IMMP2L: variants seen among roughly 807,000 people sequenced by gnomAD.
The protein encoded by IMMP2L is inner mitochondrial membrane peptidase subunit 2.
Under a neutral mutation model 19.3 loss-of-function variants are expected in IMMP2L, and 18 were observed. The observed-to-expected ratio is 0.93, with a 90% CI of 0.64 to 1.38. The LOEUF (loss-of-function observed/expected upper bound fraction) is 1.38. Ranked by LOEUF, IMMP2L falls within the 40% of genes most tolerant of loss-of-function variation. The pLI, the probability that IMMP2L is intolerant of heterozygous loss-of-function variation, is 0.00. For missense variants in IMMP2L, 233 were observed against 218.2 expected, an observed-to-expected ratio of 1.07 and a Z score of -0.43; for synonymous variants, 76 against 73.0, an observed-to-expected ratio of 1.04 and a Z score of -0.21.
At chr7:111,428,737 T>C (rs979192277) in intron 3 of IMMP2L, among the ~76,000 whole-genome samples, 1 of 151,792 alleles carries the variant, frequency 6.6e-6, no homozygotes, top group African/African-American at 2.4e-5. Flanking sequence ...GAAATGACTA[T>C]CTATACCACC....
chr7:110,978,860 G>A (rs1006084848), intron 3 of IMMP2L, among the ~76,000 whole-genome samples: 2 of 151,876 alleles, frequency 1.3e-5, no homozygotes, highest in African/African-American at 2.4e-5. Context: ...CCAAAAACAC[G>A]AAGCCCTGTT....
chr7:110,952,710 G>T (rs1817956953), intron 4 of IMMP2L, among the ~76,000 whole-genome samples: 1 of 152,148 alleles, frequency 6.6e-6, no homozygotes, highest in African/African-American at 2.4e-5. Context: ...GTGTTGAAGA[G>T]ATTCTTCCTA....
intron 5 of IMMP2L, among the ~76,000 whole-genome samples, chr7:110,787,431 T>C (rs1014812214): frequency 6.6e-6 from 1 of 151,970 alleles, no homozygotes; most frequent in Non-Finnish European, 1.5e-5. Context: ...AGTTGCTTTA[T>C]GCCAATTTCT....
chr7:111,240,511 T>G (rs1814879950), intron 3 of IMMP2L, among the ~76,000 whole-genome samples: 1 of 151,924 alleles, frequency 6.6e-6, no homozygotes, highest in African/African-American at 2.4e-5. Context: ...ACCCCTTCGG[T>G]GTGAGATGTA....
intron 5 of IMMP2L, among the ~76,000 whole-genome samples, chr7:110,851,205 C>T (rs972856178): frequency 1.3e-5 from 2 of 152,060 alleles, no homozygotes; most frequent in Non-Finnish European, 2.9e-5. Context: ...TGTGAGATTT[C>T]AATTCTAAAA....
chr7:110,984,033 TTC>T (rs1185009990), intron 3 of IMMP2L, among the ~76,000 whole-genome samples: 4 of 151,954 alleles, frequency 2.6e-5, no homozygotes, highest in Non-Finnish European at 1.5e-5. Flanking sequence ...ACCAAGCAGA[TTC>T]TCTCTCAAAG....
At chr7:110,815,649 T>A (rs1321089506) in intron 5 of IMMP2L, among the ~76,000 whole-genome samples, 4 of 152,168 alleles carry the variant, frequency 2.6e-5, no homozygotes, top group African/African-American at 7.2e-5. Flanking sequence ...TCAGAGCCTG[T>A]TACTGGTCTA....
Position 111,099,717 on chromosome 7 carries a change from A to T in IMMP2L, c.240-136152T>A, listed in dbSNP as rs577862835. On this transcript the variant is annotated intron_variant, in intron 3 of 5. Coordinates refer to ENST00000405709, the MANE Select transcript of IMMP2L (RefSeq NM_032549.4). Reference sequence around the variant, plus strand: ...ATGAAGTTTTTTTTTTGAAAGTTATAAGCAATTAGACAACTAAAAAAAGAA... The same window carrying T: ...ATGAAGTTTTTTTTTTGAAAGTTATTAGCAATTAGACAACTAAAAAAAGAA... 2.0e-5 allele frequency among the ~76,000 whole-genome samples: 3 copies of T among 151,790 alleles called. No homozygotes were observed. The South Asian group carries it at 6.2e-4, about 32-fold the overall frequency.
intron 5 of IMMP2L, among the ~76,000 whole-genome samples, chr7:110,868,058 G>A (rs28607108): frequency 0.044 from 6,634 of 151,070 alleles, 466 homozygotes; most frequent in African/African-American, 0.15. Context: ...GCAAACTCAA[G>A]CTTCAAAAAG....
At chr7:111,207,836 A>C (rs2129617762) in intron 3 of IMMP2L, among the ~76,000 whole-genome samples, 1 of 152,178 alleles carries the variant, frequency 6.6e-6, no homozygotes, top group East Asian at 1.9e-4. Context: ...ACCCAGCTCA[A>C]AGATAGAGGT....
At chr7:111,223,717 C>T (rs1259748308) in intron 3 of IMMP2L, among the ~76,000 whole-genome samples, 1 of 152,016 alleles carries the variant, frequency 6.6e-6, no homozygotes, top group Non-Finnish European at 1.5e-5. Flanking sequence ...TAACTGTTTC[C>T]TGCAGTTCTT....
intron 5 of IMMP2L, among the ~76,000 whole-genome samples, chr7:110,723,529 A>ATT (rs11385577): frequency 1.1e-4 from 16 of 152,126 alleles, no homozygotes; most frequent in East Asian, 7.7e-4. Flanking sequence ...TTTAGGCTTG[A>ATT]TTTTTTTAAT....
At chr7:110,794,370 A>G (rs890360599) in intron 5 of IMMP2L, among the ~76,000 whole-genome samples, 1 of 152,096 alleles carries the variant, frequency 6.6e-6, no homozygotes, top group Non-Finnish European at 1.5e-5. Context: ...AAACCTTAAT[A>G]TTACTAAGTG....
chr7:111,215,705 C>T (rs898520779), intron 3 of IMMP2L, among the ~76,000 whole-genome samples: 8 of 152,072 alleles, frequency 5.3e-5, no homozygotes, highest in African/African-American at 1.7e-4. Flanking sequence ...GAAACTGTGG[C>T]AAAACATTAA....
chr7:111,082,241 A>T (rs749870245), intron 3 of IMMP2L, among the ~76,000 whole-genome samples: 3 of 152,204 alleles, frequency 2.0e-5, no homozygotes, highest in Non-Finnish European at 4.4e-5. Flanking sequence ...CTTTTTCTAT[A>T]TGTCACACTT....
In IMMP2L at chr7:110,741,612, T is replaced by C. The variant is rs1023198571; in HGVS notation, c.409-77891A>G. 2.6e-5 allele frequency among the ~76,000 whole-genome samples: 4 copies of C among 152,316 alleles called. No homozygotes were observed. In the East Asian group the frequency reaches 7.7e-4, roughly 29 times the overall value. On this transcript the variant is annotated intron_variant, in intron 5 of 5. Transcript: ENST00000405709. ...GATCTTGGACTTGCCAGACTTAGAATTGTAAGCAATAAATGTCTATTGTTT... is the reference window on the plus strand; with the variant it reads ...GATCTTGGACTTGCCAGACTTAGAACTGTAAGCAATAAATGTCTATTGTTT...
At chr7:110,799,210 C>T (rs1801076332) in intron 5 of IMMP2L, among the ~76,000 whole-genome samples, 1 of 152,066 alleles carries the variant, frequency 6.6e-6, no homozygotes, top group Non-Finnish European at 1.5e-5. Context: ...GTATGGACTC[C>T]TTCGCCTGCT....
At chr7:111,261,394 T>C (rs1817296254) in intron 3 of IMMP2L, among the ~76,000 whole-genome samples, 1 of 152,168 alleles carries the variant, frequency 6.6e-6, no homozygotes, top group Non-Finnish European at 1.5e-5. Context: ...TAAGGAATTA[T>C]TCTTCTTTGT....
chr7:111,543,374 C>G (rs28633714), intron 1 of IMMP2L, among the ~76,000 whole-genome samples: 2,406 of 152,164 alleles, frequency 0.016, 82 homozygotes, highest in African/African-American at 0.055. Context: ...GTAGGGACTG[C>G]TAGTATAACA....
Sources: gnomAD v4.1 joint callset for allele counts (sites outside exome capture counted in the v4.1 genomes callset) on GRCh38, gnomAD v4.1.1 for gene constraint, MANE v1.5 for transcripts, NCBI Gene and HGNC (gene_info 2026-07-23, HGNC 2026-07-21) for gene names.